NDUFA10: variants seen among roughly 807,000 people sequenced by gnomAD.
The protein encoded by NDUFA10 is NADH:ubiquinone oxidoreductase subunit A10, also known as NADH dehydrogenase [ubiquinone] 1 alpha subcomplex subunit 10, mitochondrial.
Under a neutral mutation model 47.8 loss-of-function variants are expected in NDUFA10, and 40 were observed. The observed-to-expected ratio is 0.84, with a 90% confidence interval of 0.65 to 1.09. NDUFA10 has a LOEUF of 1.09. NDUFA10 is among the 50% of genes least tolerant of loss of function. NDUFA10 has a pLI of 0.00. For missense variants in NDUFA10, 413 were observed against 451.1 expected (o/e 0.92, Z 0.76); for synonymous variants, 183 against 172.2 (o/e 1.06, Z -0.49).
At chr2:239,989,978 C>T in intron 9 of NDUFA10, 96 bp downstream of exon 9, 1 of 897,816 alleles carries the variant, frequency 1.1e-6, no homozygotes. Context: ...CAAAACACAG[C>T]AACAACAAAA....
intron 4 of NDUFA10, among the ~76,000 whole-genome samples, chr2:239,950,979 C>T (rs144588144): frequency 0.018 from 2,702 of 152,320 alleles, 29 homozygotes; most frequent in Middle Eastern, 0.054. Context: ...CAGTACGTTC[C>T]GCTTCAGCCC....
intron 4 of NDUFA10, among the ~76,000 whole-genome samples, chr2:239,899,769 C>G (rs941849908): frequency 1.3e-5 from 2 of 151,806 alleles, no homozygotes; most frequent in African/African-American, 4.8e-5. Flanking sequence ...AATGTCCAGC[C>G]CAGATGTAAA....
At chr2:239,999,589 CTG>C (rs1477450938) in intron 8 of NDUFA10, among the ~76,000 whole-genome samples, 1 of 152,244 alleles carries the variant, frequency 6.6e-6, no homozygotes, top group Non-Finnish European at 1.5e-5. Context: ...CAGTTTCCCA[CTG>C]TGGATGGCCT....
At chr2:239,907,922 G>A (rs544374387) in intron 4 of NDUFA10, among the ~76,000 whole-genome samples, 2,226 of 151,878 alleles carry the variant, frequency 0.015, 64 homozygotes, top group African/African-American at 0.051. Context: ...AATATAAATC[G>A]TGCTGCTATA....
At chr2:239,975,202 T>C (rs1235225679) in intron 9 of NDUFA10, among the ~76,000 whole-genome samples, 1 of 152,248 alleles carries the variant, frequency 6.6e-6, no homozygotes, top group Admixed American at 6.5e-5. Flanking sequence ...TCCTGCCTTA[T>C]TAGGATGTAC....
intron 8 of NDUFA10, among the ~76,000 whole-genome samples, chr2:239,995,100 C>T (rs1696413725): frequency 6.6e-6 from 1 of 152,078 alleles, no homozygotes; most frequent in Admixed American, 6.6e-5. Context: ...ATGGCAAAAC[C>T]CCATTCCTAC....
chr2:239,962,572 G>A (rs1038400761), intron 9 of NDUFA10, among the ~76,000 whole-genome samples: 1 of 152,242 alleles, frequency 6.6e-6, no homozygotes, highest in Non-Finnish European at 1.5e-5. Context: ...GTGCACAGCT[G>A]TGAAGTGGGA....
chr2:239,916,779 C>T (rs932993219), intron 4 of NDUFA10, among the ~76,000 whole-genome samples: 4 of 152,220 alleles, frequency 2.6e-5, no homozygotes, highest in African/African-American at 9.6e-5. Flanking sequence ...TGTGAGCCTC[C>T]TTCACGAGAG....
rs1271054322 is a variant in NDUFA10, at chr2:240,005,313, C to G, written c.805-18G>C. ...TCTACCACCTAAGACAGGAAAAATT[C>G]CAATTTAAACAGAGAACCCCATTTT... On this transcript the variant is annotated intron_variant, in intron 7 of 9. Coordinates refer to ENST00000252711, the MANE Select transcript of NDUFA10 (RefSeq NM_004544.4). 1.3e-6 allele frequency: 2 copies of G among 1,595,510 alleles called. No individual in the cohort carries two copies. Among genetic ancestry groups the G allele is most frequent in the South Asian group, 1.1e-5 (1 of 90,638 alleles).
downstream of NDUFA10, among the ~76,000 whole-genome samples, chr2:239,952,925 G>A (rs1190731566): frequency 2.6e-5 from 4 of 152,242 alleles, no homozygotes; most frequent in African/African-American, 7.2e-5. Flanking sequence ...TGTGGTGGGT[G>A]AGACCCTCCT....
intron 4 of NDUFA10, among the ~76,000 whole-genome samples, chr2:239,933,432 G>C (rs1694210627): frequency 6.6e-6 from 1 of 152,138 alleles, no homozygotes; most frequent in Admixed American, 6.5e-5. Context: ...GAGCGACCTG[G>C]AGCCAGCTGG....
intron 9 of NDUFA10, among the ~76,000 whole-genome samples, chr2:239,965,893 C>G (rs1695037774): frequency 6.6e-6 from 1 of 152,224 alleles, no homozygotes; most frequent in Non-Finnish European, 1.5e-5. Context: ...CTCGCTGGAT[C>G]TCTAAATTCA....
At chr2:239,941,459 C>A (rs1235944160) in intron 4 of NDUFA10, among the ~76,000 whole-genome samples, 6 of 151,758 alleles carry the variant, frequency 4.0e-5, no homozygotes. Flanking sequence ...GACGTGGTGG[C>A]TCACACCTAT....
intron 4 of NDUFA10, among the ~76,000 whole-genome samples, chr2:239,947,615 C>CCCAGGCCT (rs1694476522): frequency 1.3e-5 from 2 of 152,286 alleles, no homozygotes; most frequent in African/African-American, 4.8e-5. Context: ...CCCGCCGAGC[C>CCCAGGCCT]CCAGGCCTCC....
intron 4 of NDUFA10, among the ~76,000 whole-genome samples, chr2:239,903,720 A>G (rs778316234): frequency 3.3e-5 from 5 of 152,198 alleles, no homozygotes; most frequent in Non-Finnish European, 7.3e-5. Context: ...CATTTCCTGC[A>G]ATTTCCTTCC....
intron 4 of NDUFA10, among the ~76,000 whole-genome samples, chr2:239,915,494 GAC>G (rs1232281295): frequency 1.3e-4 from 16 of 127,882 alleles, no homozygotes; most frequent in East Asian, 6.8e-4. Context: ...CACACACACA[GAC>G]ACACACAAAT....
In NDUFA10 at chr2:239,916,154, G is replaced by C. The variant is rs558458596; in HGVS notation, c.295-20840C>G. 3.4e-5 allele frequency among the ~76,000 whole-genome samples: 5 copies of C among 148,666 alleles called. No individual in the cohort carries two copies. In the South Asian group the frequency reaches 1.1e-3, roughly 32 times the overall value. ...ACACACAAATATACAGACACACACA[G>C]AGAGACACACAGAGATACTCACACA... On this transcript the variant is annotated intron_variant, in intron 4 of 5. Coordinates refer to the NDUFA10 transcript ENST00000419408.
intron 4 of NDUFA10, among the ~76,000 whole-genome samples, chr2:239,916,807 G>A (rs1477782699): frequency 6.6e-6 from 1 of 152,242 alleles, no homozygotes; most frequent in Non-Finnish European, 1.5e-5. Context: ...TCCCTCAGGA[G>A]GAGCAGCCCT....
Position 239,957,974 on chromosome 2 carries a change from G to A in NDUFA10, c.*3144C>T, listed in dbSNP as rs997925062. 3 of 152,198 alleles carry A rather than the reference G, an allele frequency of 2.0e-5. No individual in the cohort carries two copies. The highest frequency in any genetic ancestry group is 4.4e-5 in the Non-Finnish European group (3 of 68,046). The allele number at this position is 152,198 out of a possible 1,614,324, so 9.4% of individuals were successfully genotyped here. ...CGAGAGAGTATTAGAAAACACTAGC[G>A]GCGTGAGGTGACTACTGACAATCAC... On this transcript the variant is annotated 3_prime_UTR_variant, in exon 10 of 10. Coordinates refer to ENST00000252711, the MANE Select transcript of NDUFA10 (RefSeq NM_004544.4).
Sources: allele counts gnomAD v4.1 joint callset (sites outside exome capture counted in the v4.1 genomes callset), GRCh38; gene constraint gnomAD v4.1.1; transcripts MANE v1.5; gene names NCBI Gene and HGNC (gene_info 2026-07-23, HGNC 2026-07-21).